PRKCE: variants seen among roughly 807,000 people sequenced by gnomAD.
PRKCE encodes protein kinase C epsilon, also known as protein kinase C epsilon type.
A neutral mutation model predicts 85.4 loss-of-function variants in PRKCE; 16 were observed. The observed-to-expected ratio is 0.19, with a 90% CI of 0.13 to 0.28. The LOEUF is 0.28. Ranked by LOEUF, PRKCE falls within the 10% of genes least tolerant of loss-of-function variation. The probability of loss-of-function intolerance (pLI) is 1.00; values close to 1 mark genes in which losing one functional copy is unlikely to be tolerated. For missense variants in PRKCE, 573 were observed against 975.2 expected, an observed-to-expected ratio of 0.59 and a Z score of 5.49; for synonymous variants, 388 against 371.5, an observed-to-expected ratio of 1.04 and a Z score of -0.51.
intron 11 of PRKCE, among the ~76,000 whole-genome samples, chr2:46,090,709 T>A (rs1670083630): frequency 6.6e-6 from 1 of 151,882 alleles, no homozygotes; most frequent in Non-Finnish European, 1.5e-5. Flanking sequence ...ATGAGGACCC[T>A]GTGGTCTGTG....
At chr2:45,997,748 T>C (rs1172355671) in intron 6 of PRKCE, among the ~76,000 whole-genome samples, 3 of 152,166 alleles carry the variant, frequency 2.0e-5, no homozygotes, top group Non-Finnish European at 4.4e-5. Context: ...GGTTTTGCCA[T>C]GTTGGCCAGG....
At chr2:45,694,096 A>G (rs909523215) in intron 1 of PRKCE, among the ~76,000 whole-genome samples, 1 of 151,258 alleles carries the variant, frequency 6.6e-6, no homozygotes, top group African/African-American at 2.4e-5. Flanking sequence ...TCCTAACGAT[A>G]TGAGGATGAG....
chr2:45,760,053 G>A (rs1684334249), intron 1 of PRKCE, among the ~76,000 whole-genome samples: 1 of 152,218 alleles, frequency 6.6e-6, no homozygotes, highest in Non-Finnish European at 1.5e-5. Flanking sequence ...GGAAAGGGCT[G>A]TAACAGCTGC....
chr2:46,122,881 GTT>G (rs1244942634), intron 11 of PRKCE, among the ~76,000 whole-genome samples: 12 of 117,188 alleles, frequency 1.0e-4, no homozygotes, highest in Admixed American at 3.6e-4. Flanking sequence ...AACAGTCTGG[GTT>G]TTTTTTTTTT....
chr2:46,016,465 T>TAAG, intron 10 of PRKCE, among the ~76,000 whole-genome samples: 1 of 152,068 alleles, frequency 6.6e-6, no homozygotes, highest in Non-Finnish European at 1.5e-5. Flanking sequence ...TCATTCTGTG[T>TAAG]GATAAAGGAA....
chr2:46,137,298 C>T (rs937378256), intron 11 of PRKCE, among the ~76,000 whole-genome samples: 7 of 152,196 alleles, frequency 4.6e-5, no homozygotes, highest in Admixed American at 2.0e-4. Context: ...TATGGGGACC[C>T]ACCCAACATC....
chr2:46,151,316 CA>C, intron 13 of PRKCE, 87 bp downstream of exon 13: 4 of 1,178,794 alleles, frequency 3.4e-6, no homozygotes, highest in East Asian at 2.4e-5. Context: ...CACACACACA[CA>C]CACACACTCC....
intron 2 of PRKCE, among the ~76,000 whole-genome samples, chr2:45,880,304 T>G (rs865823033): frequency 3.3e-5 from 5 of 152,256 alleles, no homozygotes; most frequent in African/African-American, 1.2e-4. Flanking sequence ...TCTTGGCCAT[T>G]GTGTCTACTG....
intron 1 of PRKCE, among the ~76,000 whole-genome samples, chr2:45,826,992 C>A (rs892994642): frequency 2.0e-5 from 3 of 152,252 alleles, no homozygotes; most frequent in African/African-American, 7.2e-5. Flanking sequence ...ATTCTCCATG[C>A]AGCCACCTTT....
chr2:46,162,102 C>G (rs1274673674), intron 14 of PRKCE, among the ~76,000 whole-genome samples: 3 of 152,164 alleles, frequency 2.0e-5, no homozygotes, highest in African/African-American at 7.2e-5. Flanking sequence ...CCCCTTAAAG[C>G]TCTCCCTGGC....
At chr2:45,968,317 A>G (rs1701872187) in intron 2 of PRKCE, among the ~76,000 whole-genome samples, 1 of 152,258 alleles carries the variant, frequency 6.6e-6, no homozygotes, top group Non-Finnish European at 1.5e-5. Context: ...TGTCTTATGT[A>G]GCAACTTGGA....
intron 2 of PRKCE, among the ~76,000 whole-genome samples, chr2:45,959,905 T>C (rs1171413333): frequency 6.6e-6 from 1 of 152,152 alleles, no homozygotes; most frequent in Admixed American, 6.5e-5. Context: ...TTTTCCGGGT[T>C]TTATTTGTTT....
chr2:45,837,657 C>G (rs1690993220), intron 1 of PRKCE, among the ~76,000 whole-genome samples: 1 of 152,138 alleles, frequency 6.6e-6, no homozygotes, highest in Non-Finnish European at 1.5e-5. Context: ...GGTGTGATCT[C>G]ACTAGCACAC....
chr2:45,846,826 A>T (rs752367164), intron 2 of PRKCE, among the ~76,000 whole-genome samples: 3 of 152,168 alleles, frequency 2.0e-5, no homozygotes, highest in African/African-American at 4.8e-5. Flanking sequence ...CTAGGCCAGG[A>T]TTGTCATAAG....
chr2:45,725,433 A>C (rs1680976171), intron 1 of PRKCE, among the ~76,000 whole-genome samples: 1 of 152,172 alleles, frequency 6.6e-6, no homozygotes, highest in Admixed American at 6.5e-5. Flanking sequence ...TTTGACTTTG[A>C]AGTCTTATTG....
At chr2:45,672,121 A>G (rs1468489812) in intron 1 of PRKCE, among the ~76,000 whole-genome samples, 7 of 151,862 alleles carry the variant, frequency 4.6e-5, no homozygotes, top group Non-Finnish European at 7.4e-5. Context: ...CAGAAAAAGT[A>G]TGAGTAAACA....
chr2:45,679,737 G>T (rs1047518117), intron 1 of PRKCE, among the ~76,000 whole-genome samples: 1 of 152,136 alleles, frequency 6.6e-6, no homozygotes, highest in Non-Finnish European at 1.5e-5. Context: ...TAGTCTGCGG[G>T]TGTATGTGGG....
At chr2:45,653,460 T>G (rs1264343399) in intron 1 of PRKCE, among the ~76,000 whole-genome samples, 1 of 145,430 alleles carries the variant, frequency 6.9e-6, no homozygotes, top group Non-Finnish European at 1.5e-5. Context: ...GTTTGTTACA[T>G]GTTTCCAGCA....
At chr2:45,832,626 A>G (rs1316836572) in intron 1 of PRKCE, among the ~76,000 whole-genome samples, 1 of 152,076 alleles carries the variant, frequency 6.6e-6, no homozygotes, top group East Asian at 1.9e-4. Flanking sequence ...GCAACTTTTT[A>G]TCATTCATGC....
Sources: gnomAD v4.1 joint callset for allele counts (sites outside exome capture counted in the v4.1 genomes callset) on GRCh38, gnomAD v4.1.1 for gene constraint, MANE v1.5 for transcripts, NCBI Gene and HGNC (gene_info 2026-07-23, HGNC 2026-07-21) for gene names.